The following DENND1A variants were observed in gnomAD, a reference collection of about 807,000 sequenced individuals.
DENND1A encodes DENN domain containing 1A, also known as DENN domain-containing protein 1A.
Under a neutral mutation model 113.7 loss-of-function variants are expected in DENND1A, and 51 were observed. That is an observed-to-expected ratio of 0.45 (90% CI 0.36 to 0.57). The LOEUF (loss-of-function observed/expected upper bound fraction) is 0.57, where lower values mean the gene tolerates loss of function less well. Ranked by LOEUF, DENND1A falls within the 20% of genes least tolerant of loss-of-function variation. The probability of loss-of-function intolerance (pLI) is 0.00; values close to 1 mark genes in which losing one functional copy is unlikely to be tolerated. For missense variants in DENND1A, 1,258 were observed against 1,395.9 expected, an observed-to-expected ratio of 0.90 and a Z score of 1.57; for synonymous variants, 565 against 570.8, an observed-to-expected ratio of 0.99 and a Z score of 0.14.
At chr9:123,550,520 A>G (rs1008904094) in intron 13 of DENND1A, among the ~76,000 whole-genome samples, 2 of 152,250 alleles carry the variant, frequency 1.3e-5, no homozygotes, top group Admixed American at 1.3e-4. Context: ...GCGGTGGGCC[A>G]GACATGGGGA....
intron 13 of DENND1A, among the ~76,000 whole-genome samples, chr9:123,460,514 C>T (rs926325583): frequency 1.3e-5 from 2 of 152,208 alleles, no homozygotes; most frequent in African/African-American, 4.8e-5. Context: ...CTCAAAATAG[C>T]CTGAAACTTC....
intron 13 of DENND1A, among the ~76,000 whole-genome samples, chr9:123,464,114 C>T (rs1564536044): frequency 6.6e-6 from 1 of 152,076 alleles, no homozygotes; most frequent in Non-Finnish European, 1.5e-5. Context: ...AAAACACATA[C>T]TTTTGGAAGA....
At chr9:123,921,892 T>TA (rs1281992585) in intron 1 of DENND1A, among the ~76,000 whole-genome samples, 1 of 151,786 alleles carries the variant, frequency 6.6e-6, no homozygotes, top group East Asian at 1.9e-4. Context: ...CATTTCTACT[T>TA]AAAATCTCTC....
chr9:123,607,545 A>AGT (rs1469468515), intron 11 of DENND1A, among the ~76,000 whole-genome samples: 103 of 105,996 alleles, frequency 9.7e-4, no homozygotes, highest in East Asian at 2.8e-3. Flanking sequence ...AGAGAGAGAG[A>AGT]GAGTGTGTGT....
intron 13 of DENND1A, among the ~76,000 whole-genome samples, chr9:123,515,536 A>G (rs996666029): frequency 2.0e-5 from 3 of 152,246 alleles, no homozygotes; most frequent in Non-Finnish European, 4.4e-5. Context: ...CATTTGTAAA[A>G]CATTAATTAT....
intron 12 of DENND1A, among the ~76,000 whole-genome samples, chr9:123,579,609 T>C (rs1208480610): frequency 6.6e-6 from 1 of 151,878 alleles, no homozygotes; most frequent in Non-Finnish European, 1.5e-5. Flanking sequence ...TTAGGAGGGA[T>C]GAGGAAGAGG....
intron 8 of DENND1A, among the ~76,000 whole-genome samples, chr9:123,665,548 C>A (rs2063453679): frequency 6.6e-6 from 1 of 152,158 alleles, no homozygotes; most frequent in Non-Finnish European, 1.5e-5. Context: ...ATACTACAGC[C>A]TAACTTCATT....
intron 19 of DENND1A, among the ~76,000 whole-genome samples, chr9:123,429,469 C>T (rs1195851489): frequency 4.6e-5 from 7 of 152,098 alleles, no homozygotes; most frequent in Admixed American, 3.9e-4. Flanking sequence ...GTATGAGAAT[C>T]GCTTGAACCT....
intron 2 of DENND1A, among the ~76,000 whole-genome samples, chr9:123,848,806 C>G (rs1027511444): frequency 6.6e-6 from 1 of 152,132 alleles, no homozygotes; most frequent in Admixed American, 6.5e-5. Flanking sequence ...TAAAGTGAAA[C>G]AGCCTGATTG....
At chr9:123,686,741 C>G (rs1207234823) in intron 5 of DENND1A, among the ~76,000 whole-genome samples, 1 of 152,156 alleles carries the variant, frequency 6.6e-6, no homozygotes, top group Admixed American at 6.5e-5. Flanking sequence ...TTTTTAAGAA[C>G]TTTTTCTAGA....
At position 123,583,317 on chromosome 9, in the gene DENND1A, C is replaced by A. The variant is rs758134705; in HGVS notation, c.766-47G>T. 3 of 1,408,660 alleles carry A rather than the reference C, an allele frequency of 2.1e-6. No individual in the cohort carries two copies. In the East Asian group the frequency reaches 7.0e-5, roughly 33 times the overall value. The allele number at this position is 1,408,660 out of a possible 1,614,324, so 87.3% of individuals were successfully genotyped here. A position where few individuals can be genotyped will look rare whatever the true frequency, so the allele number is the denominator to read the frequency against. ...CAAGAGAAGGTCATTGAGGTGCCAT[C>A]AAGACACACTTCCCCTGCCTTCTCT... On this transcript the variant is annotated intron_variant, in intron 11 of 23. Coordinates refer to ENST00000394215, the MANE Select transcript of DENND1A (RefSeq NM_001352964.2).
At chr9:123,582,727 T>C (rs1313797681) in intron 12 of DENND1A, among the ~76,000 whole-genome samples, 1 of 141,478 alleles carries the variant, frequency 7.1e-6, no homozygotes, top group East Asian at 2.1e-4. Context: ...TGAGATGGAG[T>C]CTCGCTCTGT....
chr9:123,421,288 AACCGAGGCCATGTC>A (rs2045279818), intron 19 of DENND1A, among the ~76,000 whole-genome samples: 1 of 151,812 alleles, frequency 6.6e-6, no homozygotes, highest in African/African-American at 2.4e-5. Flanking sequence ...AAGATGAAGA[AACCGAGGCCATGTC>A]ACTCAGTGAC....
chr9:123,886,932 A>G (rs72757151), intron 1 of DENND1A, among the ~76,000 whole-genome samples: 6,325 of 152,314 alleles, frequency 0.042, 169 homozygotes, highest in Middle Eastern at 0.14. Context: ...AAAGAGTCAC[A>G]AAGGTTTACC....
intron 18 of DENND1A, among the ~76,000 whole-genome samples, chr9:123,442,215 C>T (rs2046979656): frequency 6.6e-6 from 1 of 152,184 alleles, no homozygotes; most frequent in Admixed American, 6.5e-5. Context: ...AGAGGCCAGA[C>T]CTGAGAAGTC....
chr9:123,817,034 T>G (rs1837611690), intron 2 of DENND1A, among the ~76,000 whole-genome samples: 1 of 152,156 alleles, frequency 6.6e-6, no homozygotes, highest in Non-Finnish European at 1.5e-5. Context: ...CAGAATTCCA[T>G]GGGCTCCAAA....
At chr9:123,475,916 G>A (rs1409381110) in intron 13 of DENND1A, among the ~76,000 whole-genome samples, 4 of 152,172 alleles carry the variant, frequency 2.6e-5, no homozygotes, top group Non-Finnish European at 4.4e-5. Context: ...GGGCATGGTG[G>A]CTCATGCCTG....
Position 123,583,112 on chromosome 9 carries a change from G to A in DENND1A, c.867+57C>T, listed in dbSNP as rs930243356. ...CTCCTTCCCCATTCCCCAAAGTCAC[G>A]TTCATTTCCTTTGCAGGAGCTCACA... is the stretch of plus-strand genomic sequence containing the variant. On this transcript the variant is annotated intron_variant, in intron 12 of 23. Transcript: ENST00000394215. The A allele has an allele frequency of 2.3e-5, 31 of 1,333,968 alleles. No individual in the cohort carries two copies. In the East Asian group the frequency reaches 2.6e-4, roughly 11 times the overall value. The allele number at this position is 1,333,968 out of a possible 1,614,324, so 82.6% of individuals were successfully genotyped here. A position where few individuals can be genotyped will look rare whatever the true frequency, so the allele number is the denominator to read the frequency against.
chr9:123,557,388 G>A (rs1011323712), intron 13 of DENND1A, among the ~76,000 whole-genome samples, 182 bp downstream of exon 13: 3 of 152,206 alleles, frequency 2.0e-5, no homozygotes, highest in Admixed American at 6.5e-5. Context: ...ACACATGATA[G>A]CACAGCCTCC....
Sources: allele counts gnomAD v4.1 joint callset (sites outside exome capture counted in the v4.1 genomes callset), GRCh38; gene constraint gnomAD v4.1.1; transcripts MANE v1.5; gene names NCBI Gene and HGNC (gene_info 2026-07-23, HGNC 2026-07-21).